USP9Y: variants seen among roughly 807,000 people sequenced by gnomAD.
The protein encoded by USP9Y is ubiquitin carboxyl-terminal hydrolase 9Y.
In USP9Y, 41 loss-of-function variants were observed where a neutral mutation model predicts 53.1. That is an observed-to-expected ratio of 0.77 (90% CI 0.60 to 1.00). The LOEUF (loss-of-function observed/expected upper bound fraction) is 1.00. USP9Y is among the 50% of genes least tolerant of loss of function. The pLI is 0.00. For synonymous variants in USP9Y, 220 were observed against 173.7 expected, an observed-to-expected ratio of 1.27 and a Z score of -2.09; for missense variants, 567 against 535.8, an observed-to-expected ratio of 1.06 and a Z score of -0.58.
intron 3 of USP9Y, among the ~76,000 whole-genome samples, chrY:12,713,212 T>A (rs2053426579): frequency 3.9e-5 from 1 of 25,531 alleles, no homozygotes; most frequent in Admixed American, 3.7e-4. Flanking sequence ...TTTTTTTTTT[T>A]AACTTTTGTA....
At chrY:12,797,884 T>C in intron 27 of USP9Y, among the ~76,000 whole-genome samples, 1 of 33,608 alleles carries the variant, frequency 3.0e-5, no homozygotes, top group Non-Finnish European at 7.4e-5. Context: ...TTGTAGGGAA[T>C]GACTCCCCAG....
intron 27 of USP9Y, among the ~76,000 whole-genome samples, chrY:12,809,473 A>C: frequency 3.1e-5 from 1 of 32,419 alleles, no homozygotes; most frequent in Non-Finnish European, 7.6e-5. Context: ...GGTGGAGGAG[A>C]GAGAGAGAGA....
intron 45 of USP9Y, 134 bp downstream of exon 45, chrY:12,857,795 A>G: frequency 6.5e-6 from 1 of 153,773 alleles, no homozygotes. Context: ...AAAACTGGAT[A>G]AACTGTTCCA....
Position 12,840,587 on chromosome Y carries a change from A to C in USP9Y, c.6061A>C (p.Asn2021His). Residue 2021 changes from asparagine to histidine, a missense_variant, in exon 36 of 46, where the codon AAT (asparagine) becomes CAT (histidine). Physicochemically the swap from Asn to His is moderately conservative, Grantham distance 68. Transcript: ENST00000338981. ...GTTTGTGAAAAAACTGCTTACATGT[A>C]ATGGTGTTTATTTAAACCCTGCTCC... ...FQFVKKLLTCNGVYLNPAPGQ... is the reference protein window; with the variant it reads ...FQFVKKLLTCHGVYLNPAPGQ... 1 of 396,243 alleles carries C rather than the reference A, an allele frequency of 2.5e-6. No homozygotes were observed. The highest frequency in any genetic ancestry group is 3.0e-5 in the South Asian group (1 of 33,757).
chrY:12,757,189 T>C lies in USP9Y; in HGVS notation c.1423-3T>C. ...ATTTATATCATTTAAATACTTTCTT[T>C]AGGCAAGTTGGACAAATGCAAGTAA... On this transcript the variant is annotated splice_polypyrimidine_tract_variant and splice_region_variant and intron_variant, in intron 12 of 45. Coordinates refer to ENST00000338981, the MANE Select transcript of USP9Y (RefSeq NM_004654.4). 2.5e-6 allele frequency: 1 copy of C among 398,095 alleles called. No homozygotes were observed. The highest frequency in any genetic ancestry group is 3.5e-6 in the Non-Finnish European group (1 of 282,875).
At chrY:12,793,314 C>T in intron 27 of USP9Y, 113 bp downstream of exon 27, 1 of 216,441 alleles carries the variant, frequency 4.6e-6, no homozygotes, top group Non-Finnish European at 7.9e-6. Flanking sequence ...AACCCTTTTA[C>T]TTGCCCATGT....
intron 3 of USP9Y, among the ~76,000 whole-genome samples, chrY:12,718,569 C>T (rs1603195902): frequency 3.0e-5 from 1 of 33,810 alleles, no homozygotes; most frequent in Non-Finnish European, 7.3e-5. Flanking sequence ...TTTATTTGCA[C>T]TGCCCTTGTA....
At chrY:12,715,350 G>T in intron 3 of USP9Y, among the ~76,000 whole-genome samples, 2 of 26,871 alleles carry the variant, frequency 7.4e-5, no homozygotes, top group African/African-American at 1.5e-4. Context: ...AGGGAGTCTC[G>T]CTGCGTTTCC....
At chrY:12,804,889 C>T (rs1603201302) in intron 27 of USP9Y, among the ~76,000 whole-genome samples, 8 of 29,434 alleles carry the variant, frequency 2.7e-4, no homozygotes, top group African/African-American at 5.4e-4. Context: ...AACCGGAAGG[C>T]GAAGGTTGCA....
At chrY:12,774,820 T>C in intron 17 of USP9Y, among the ~76,000 whole-genome samples, 1 of 33,504 alleles carries the variant, frequency 3.0e-5, no homozygotes, top group Non-Finnish European at 7.4e-5. Context: ...TATTTACTTA[T>C]TCTCTGGACA....
intron 33 of USP9Y, among the ~76,000 whole-genome samples, chrY:12,826,167 A>G (rs2148290574): frequency 9.5e-5 from 3 of 31,592 alleles, no homozygotes; most frequent in African/African-American, 3.7e-4. Flanking sequence ...CGAACTCCAG[A>G]CCCTGGGTGA....
At chrY:12,853,164 A>C in intron 42 of USP9Y, among the ~76,000 whole-genome samples, 1 of 33,691 alleles carries the variant, frequency 3.0e-5, no homozygotes, top group Non-Finnish European at 7.4e-5. Context: ...GAGGCAGCAG[A>C]CCTTGCTGAG....
At chrY:12,732,152 A>C in intron 7 of USP9Y, among the ~76,000 whole-genome samples, 1 of 32,542 alleles carries the variant, frequency 3.1e-5, no homozygotes, top group East Asian at 8.1e-4. Flanking sequence ...TTGGACGTTC[A>C]TAATGTTTGC....
intron 45 of USP9Y, 122 bp from the exon 46 acceptor site, chrY:12,859,157 T>TG (rs2053580841): frequency 1.0e-5 from 2 of 200,568 alleles, no homozygotes; most frequent in African/African-American, 1.7e-4. Context: ...AGTTCTTTTT[T>TG]TTTTTTTAAA....
Position 12,739,578 on chromosome Y carries a change from G to C in USP9Y, c.1371G>C (p.Leu457Phe), listed in dbSNP as rs1427694716. The change falls in exon 12 of 46, where the codon TTG becomes TTC. Residue 457 changes from leucine to phenylalanine, a missense_variant. Physicochemically the swap from Leu to Phe is conservative, Grantham distance 22. Transcript: ENST00000338981. ...ATGTACATGATCTGCTAGCAAAGTT[G>C]GCTTGGGATTTTTCTCCTGGACAAC... ...VKNVHDLLAK[L>F]AWDFSPGQLD... is the part of the protein sequence containing the mutation. The C allele has an allele frequency of 5.0e-6, 2 of 396,302 alleles. No homozygotes were observed.
chrY:12,769,785 TG>T (rs2053483944), intron 15 of USP9Y, among the ~76,000 whole-genome samples: 2 of 32,719 alleles, frequency 6.1e-5, no homozygotes, highest in South Asian at 1.4e-3. Flanking sequence ...TAAGTGTGTG[TG>T]TGTGTGTGTG....
chrY:12,722,262 C>A, intron 5 of USP9Y, 75 bp downstream of exon 5: 1 of 271,082 alleles, frequency 3.7e-6, no homozygotes, highest in Non-Finnish European at 5.9e-6. Context: ...GGCTTTTCAT[C>A]CCTCTGTTAT....
chrY:12,842,638 G>A (rs1047886773), intron 38 of USP9Y, among the ~76,000 whole-genome samples, 173 bp downstream of exon 38: 4 of 33,046 alleles, frequency 1.2e-4, no homozygotes, highest in Middle Eastern at 0.027. Flanking sequence ...CATGGTAATA[G>A]TGATTGCTGG....
chrY:12,709,623 C>A, intron 3 of USP9Y, 80 bp downstream of exon 3: 1 of 244,163 alleles, frequency 4.1e-6, no homozygotes, highest in South Asian at 3.6e-5. Flanking sequence ...GTAAAGTAAT[C>A]ATAAAATATG....
Sources: allele counts gnomAD v4.1 joint callset (sites outside exome capture counted in the v4.1 genomes callset), GRCh38; gene constraint gnomAD v4.1.1; transcripts MANE v1.5; gene names NCBI Gene and HGNC (gene_info 2026-07-23, HGNC 2026-07-21).